The following CHST10 variants were observed in gnomAD, a reference collection of about 807,000 sequenced individuals.
CHST10 encodes HNK-1 sulfotransferase.
Under a neutral mutation model 34.7 loss-of-function variants are expected in CHST10, and 24 were observed. The ratio of observed to expected loss-of-function variants is 0.69; its 90% CI spans 0.50 to 0.97. The LOEUF is 0.97. Among genes scored for constraint, CHST10 ranks in the 50% least tolerant of loss-of-function variants. The pLI is 0.00. For missense variants in CHST10, 402 were observed against 452.1 expected (o/e 0.89, Z 1.00); for synonymous variants, 161 against 169.3 (o/e 0.95, Z 0.38).
At chr2:100,411,407 C>T (rs1047452104) in intron 2 of CHST10, among the ~76,000 whole-genome samples, 3 of 152,106 alleles carry the variant, frequency 2.0e-5, no homozygotes, top group Non-Finnish European at 4.4e-5. Context: ...CCACCACACC[C>T]GGCCTAGTTA....
intron 3 of CHST10, among the ~76,000 whole-genome samples, chr2:100,405,758 C>T (rs899749996): frequency 6.6e-6 from 1 of 152,212 alleles, no homozygotes; most frequent in Non-Finnish European, 1.5e-5. Flanking sequence ...GGCCAATCCA[C>T]GGCACAAATG....
intron 3 of CHST10, among the ~76,000 whole-genome samples, chr2:100,406,185 C>G (rs1314532371): frequency 6.6e-6 from 1 of 152,106 alleles, no homozygotes; most frequent in African/African-American, 2.4e-5. Flanking sequence ...ACGGGCATGC[C>G]AAGCAGTTGA....
intron 2 of CHST10, among the ~76,000 whole-genome samples, chr2:100,414,677 T>C (rs1463977608): frequency 6.6e-6 from 1 of 152,214 alleles, no homozygotes; most frequent in South Asian, 2.1e-4. Context: ...TCTGTTGTCA[T>C]CCTTACAATT....
At chr2:100,401,618 G>A (rs1010861976) in intron 4 of CHST10, among the ~76,000 whole-genome samples, 2 of 151,854 alleles carry the variant, frequency 1.3e-5, no homozygotes, top group Non-Finnish European at 2.9e-5. Flanking sequence ...TTTTGGTTTC[G>A]TTTCTGTACC....
rs1046876078 is a variant in CHST10, at chr2:100,395,584, T to C, written c.458A>G (p.Glu153Gly). 1 of 1,613,978 alleles carries C rather than the reference T, an allele frequency of 6.2e-7. No homozygotes were observed. Among genetic ancestry groups the C allele is most frequent in the African/African-American group, 1.3e-5 (1 of 74,936 alleles). ...GAFSSIEEIP[E>G]NVVHDHEKNG... ...CTTCTCGTGGTCGTGCACCACGTTT[T>C]CGGGGATCTCCTCAATGGAAGAAAA... The change falls in exon 6 of 7, where the codon GAA (glutamate) becomes GGA (glycine). Residue 153 changes from glutamate to glycine, a missense_variant. By Grantham distance (98) the Glu-to-Gly change is moderately conservative. Coordinates refer to ENST00000264249, the MANE Select transcript of CHST10 (RefSeq NM_004854.5).
chr2:100,405,090 A>G (rs1264358327), intron 3 of CHST10, among the ~76,000 whole-genome samples: 1 of 152,138 alleles, frequency 6.6e-6, no homozygotes, highest in Admixed American at 6.5e-5. Context: ...TTCAGGAGGG[A>G]TCTCTCAGTG....
intron 4 of CHST10, among the ~76,000 whole-genome samples, chr2:100,399,088 A>ATC (rs1308325968): frequency 1.9e-3 from 270 of 142,906 alleles, no homozygotes; most frequent in African/African-American, 6.2e-3. Flanking sequence ...CAGCTGCTAC[A>ATC]TCTCTCTCTC....
chr2:100,403,219 C>T (rs919861920), intron 3 of CHST10, among the ~76,000 whole-genome samples: 2 of 152,190 alleles, frequency 1.3e-5, no homozygotes, highest in African/African-American at 4.8e-5. Flanking sequence ...CTTCACATCA[C>T]AGGCTCTGCC....
chr2:100,395,099 G>T (rs919929270), intron 6 of CHST10, among the ~76,000 whole-genome samples: 1 of 152,168 alleles, frequency 6.6e-6, no homozygotes, highest in Non-Finnish European at 1.5e-5. Context: ...ACCACTGCAG[G>T]GGCAGCTCCC....
Position 100,393,470 on chromosome 2 carries a change from G to T in CHST10, c.846C>A (p.His282Gln), listed in dbSNP as rs1038070161. 6 of 1,614,040 alleles carry T rather than the reference G, an allele frequency of 3.7e-6. No individual in the cohort carries two copies. Among genetic ancestry groups the T allele is most frequent in the Non-Finnish European group, 5.1e-6 (6 of 1,180,048 alleles). ...GGGCATCGTCCTCCAGGGTCTCGTG[G>T]TGTCCAATCACACTGTACATTATCT... ...PCEIMYSVIG[H>Q]HETLEDDAPY... is the part of the protein sequence containing the mutation. Residue 282 changes from histidine to glutamine, a missense_variant, in exon 7 of 7, where the codon CAC becomes CAA. His to Gln is a conservative substitution (Grantham distance 24). Coordinates refer to ENST00000264249, the MANE Select transcript of CHST10 (RefSeq NM_004854.5).
In CHST10 at chr2:100,393,470, G is replaced by A; in HGVS notation, c.846C>T (p.His282=). Residue 282 remains histidine, a synonymous_variant, in exon 7 of 7, where the codon CAC becomes CAT. Transcript: ENST00000264249. ...PCEIMYSVIG[H]HETLEDDAPY... ...GGGCATCGTCCTCCAGGGTCTCGTG[G>A]TGTCCAATCACACTGTACATTATCT... 1 of 1,614,158 alleles carries A rather than the reference G, an allele frequency of 6.2e-7. No individual in the cohort carries two copies.
At chr2:100,409,432 A>G (rs1221775346) in intron 2 of CHST10, among the ~76,000 whole-genome samples, 2 of 152,162 alleles carry the variant, frequency 1.3e-5, no homozygotes, top group East Asian at 1.9e-4. Context: ...TCCTGAAGCC[A>G]TATGTGCCTT....
At chr2:100,398,277 A>G in intron 4 of CHST10, 135 bp from the exon 5 acceptor site, 1 of 635,184 alleles carries the variant, frequency 1.6e-6, no homozygotes, top group Non-Finnish European at 2.7e-6. Context: ...TTGTCTGTCT[A>G]CAGAGTGACA....
At chr2:100,396,950 A>C (rs1177244501) in intron 5 of CHST10, among the ~76,000 whole-genome samples, 1 of 152,214 alleles carries the variant, frequency 6.6e-6, no homozygotes, top group African/African-American at 2.4e-5. Context: ...CTGCAGAAGC[A>C]CATTAATTAT....
In CHST10 at chr2:100,398,024, G is replaced by T. The variant is rs199997717; in HGVS notation, c.311C>A (p.Pro104His). The T allele has an allele frequency of 6.2e-7, 1 of 1,614,194 alleles. No individual in the cohort carries two copies. ...TCGGTCCAGGACAAACTTGGAGACAGGAGTGTGCGAGAGATTCTTCAGGGC... is the reference window on the plus strand; with the variant it reads ...TCGGTCCAGGACAAACTTGGAGACATGAGTGTGCGAGAGATTCTTCAGGGC... ...DDALKNLSHT[P>H]VSKFVLDRIF... is the part of the protein sequence containing the mutation. The change falls in exon 5 of 7, where the codon CCT becomes CAT. Residue 104 changes from proline (P) to histidine (H), a missense_variant. Pro to His is a moderately conservative substitution (Grantham distance 77). Coordinates refer to ENST00000264249, the MANE Select transcript of CHST10 (RefSeq NM_004854.5).
intron 4 of CHST10, among the ~76,000 whole-genome samples, chr2:100,402,058 G>A (rs1675366452): frequency 1.3e-5 from 2 of 152,234 alleles, no homozygotes; most frequent in East Asian, 1.9e-4. Context: ...TGTCAAGCCA[G>A]CAAGGGCTGG....
chr2:100,393,775 T>C lies in CHST10; in HGVS notation c.541A>G (p.Thr181Ala). The C allele has an allele frequency of 6.2e-7, 1 of 1,605,696 alleles. No homozygotes were observed. Among genetic ancestry groups the C allele is most frequent in the Non-Finnish European group, 8.5e-7 (1 of 1,178,154 alleles). Residue 181 changes from threonine to alanine, a missense_variant, in exon 7 of 7, where the codon ACA becomes GCA. Thr to Ala is a moderately conservative substitution (Grantham distance 58). Coordinates refer to ENST00000264249, the MANE Select transcript of CHST10 (RefSeq NM_004854.5). The part of the protein sequence containing the change: ...SDAEIQKRLK[T>A]YFKFFIVRDP... Reference sequence around the variant, plus strand: ...CTTACAATAAAAAACTTGAAGTATGTTTTCAATCTAAGGAAAAAAACGAAC... The same window carrying C: ...CTTACAATAAAAAACTTGAAGTATGCTTTCAATCTAAGGAAAAAAACGAAC...
chr2:100,409,695 C>T (rs954427401), intron 2 of CHST10, among the ~76,000 whole-genome samples: 12 of 152,162 alleles, frequency 7.9e-5, no homozygotes, highest in Admixed American at 3.9e-4. Flanking sequence ...TTCGGGCTCC[C>T]ATTTTTCATC....
intron 4 of CHST10, among the ~76,000 whole-genome samples, chr2:100,399,573 G>A (rs1675241582): frequency 6.6e-6 from 1 of 152,160 alleles, no homozygotes; most frequent in African/African-American, 2.4e-5. Context: ...TCCTCCCAGG[G>A]GACAACGTCA....
Sources: allele counts gnomAD v4.1 joint callset (sites outside exome capture counted in the v4.1 genomes callset), GRCh38; gene constraint gnomAD v4.1.1; transcripts MANE v1.5; gene names NCBI Gene and HGNC (gene_info 2026-07-23, HGNC 2026-07-21).